Variants in GCM2 observed in about 807,000 individuals in gnomAD.
GCM2 encodes the protein GCM transcription factor 2.
GCM2 carries 21 observed loss-of-function variants against 24.8 expected under a neutral mutation model. The ratio of observed to expected loss-of-function variants is 0.85; its 90% confidence interval spans 0.60 to 1.22. GCM2 has a LOEUF of 1.22. GCM2 is among the 50% of genes most tolerant of loss of function. GCM2 has a pLI of 0.00. For synonymous variants in GCM2, 222 were observed against 238.0 expected (o/e 0.93, Z 0.62); for missense variants, 532 against 645.6 (o/e 0.82, Z 1.91).
chr6:10,877,605 A>C (rs1180074138), intron 1 of GCM2, among the ~76,000 whole-genome samples: 1 of 152,226 alleles, frequency 6.6e-6, no homozygotes, highest in Non-Finnish European at 1.5e-5. Flanking sequence ...AATGCTATAC[A>C]TGTATTAGTT....
In GCM2 at chr6:10,881,252, G is replaced by A. The variant is rs555989680; in HGVS notation, c.90+452C>T. Among the ~76,000 whole-genome samples the A allele has an allele frequency of 3.3e-5, 5 of 152,132 alleles. No homozygotes were observed. In the South Asian group the frequency reaches 1.0e-3, roughly 32 times the overall value. Reference sequence around the variant, plus strand: ...TGGCTCACCGCAACCTCTGCCTCTCGGGTTCAAGCGATTCTCCTGCCTCAG... The same window carrying A: ...TGGCTCACCGCAACCTCTGCCTCTCAGGTTCAAGCGATTCTCCTGCCTCAG... On this transcript the variant is annotated intron_variant, in intron 1 of 4. Transcript: ENST00000379491.
Position 10,876,063 on chromosome 6 carries a change from G to A in GCM2, c.457-47C>T, listed in dbSNP as rs751788265. ...TCATACATTTGTGCCTCTAAAGGAA[G>A]CTGACAATGTTGCCCAAAAATTGAT... On this transcript the variant is annotated intron_variant, in intron 3 of 4. Coordinates refer to ENST00000379491, the MANE Select transcript of GCM2 (RefSeq NM_004752.4). 4.4e-6 allele frequency: 7 copies of A among 1,608,932 alleles called. No individual in the cohort carries two copies. The African/African-American group carries it at 5.3e-5, about 12-fold the overall frequency.
chr6:10,877,077 A>AAAC lies in GCM2; in HGVS notation c.343+60_343+62dup, dbSNP rs931698636. The AAAC allele has an allele frequency of 3.8e-6, 6 of 1,590,776 alleles. No homozygotes were observed. The African/African-American group carries it at 5.4e-5, about 14-fold the overall frequency. ...GGCTCCATCTCAAACAAACAAACAA[A>AAAC]AACAACAACAACAAAAAACTCATGA... On this transcript the variant is annotated intron_variant, in intron 2 of 4. Coordinates refer to ENST00000379491, the MANE Select transcript of GCM2 (RefSeq NM_004752.4).
At chr6:10,876,412 A>C in intron 3 of GCM2, 33 bp downstream of exon 3, 1 of 1,313,772 alleles carries the variant, frequency 7.6e-7, no homozygotes, top group Non-Finnish European at 1.1e-6. Context: ...GATGAAAAGT[A>C]TCCATCACAA....
At chr6:10,881,553 T>G (rs1428873803) in intron 1 of GCM2, 151 bp downstream of exon 1, 13 of 394,328 alleles carry the variant, frequency 3.3e-5, no homozygotes, top group Middle Eastern at 6.9e-4. Flanking sequence ...ATTTTGCGGG[T>G]ATGTGTGTGT....
chr6:10,881,404 C>A lies in GCM2; in HGVS notation c.90+300G>T, dbSNP rs1581807656. Among the ~76,000 whole-genome samples, 5 of 152,126 alleles carry A rather than the reference C, an allele frequency of 3.3e-5. No individual in the cohort carries two copies. In the South Asian group the frequency reaches 1.0e-3, roughly 32 times the overall value. ...AACTCCCGACCTCAGATGATCCACC[C>A]GCCTCAGCCTCCCAAAGTGCTGGGA... is the stretch of plus-strand genomic sequence containing the variant. On this transcript the variant is annotated intron_variant, in intron 1 of 4. Coordinates refer to ENST00000379491, the MANE Select transcript of GCM2 (RefSeq NM_004752.4).
At chr6:10,876,335 T>C in intron 3 of GCM2, 110 bp downstream of exon 3, 1 of 785,198 alleles carries the variant, frequency 1.3e-6, no homozygotes. Context: ...TTCTGGCCAC[T>C]GGGGCTGTAT....
intron 1 of GCM2, 32 bp from the exon 2 acceptor site, chr6:10,877,424 C>A: frequency 6.2e-7 from 1 of 1,613,308 alleles, no homozygotes; most frequent in South Asian, 1.1e-5. Flanking sequence ...GGTGGTCAGT[C>A]TATCCAGTCC....
chr6:10,879,834 AAAATGC>A (rs1173016323), intron 1 of GCM2, among the ~76,000 whole-genome samples: 1 of 152,220 alleles, frequency 6.6e-6, no homozygotes, highest in Non-Finnish European at 1.5e-5. Context: ...TGACTTTTCT[AAAATGC>A]AAGATATGAT....
intron 2 of GCM2, 146 bp from the exon 3 acceptor site, chr6:10,876,703 G>A: frequency 1.5e-6 from 1 of 686,728 alleles, no homozygotes; most frequent in East Asian, 2.8e-5. Context: ...GCCGAGGCGG[G>A]TGGATCACTT....
intron 4 of GCM2, among the ~76,000 whole-genome samples, chr6:10,875,680 C>G (rs572318013): frequency 1.3e-4 from 20 of 152,240 alleles, no homozygotes; most frequent in Admixed American, 9.2e-4. Flanking sequence ...TGTATCATTG[C>G]CTGTAGAGAT....
intron 3 of GCM2, 69 bp from the exon 4 acceptor site, chr6:10,876,085 T>C (rs781765372): frequency 2.7e-5 from 40 of 1,492,620 alleles, no homozygotes; most frequent in Non-Finnish European, 3.7e-5. Flanking sequence ...GCCCAAAAAT[T>C]GATCATGCCT....
At chr6:10,878,531 A>C (rs142133959) in intron 1 of GCM2, among the ~76,000 whole-genome samples, 1 of 152,102 alleles carries the variant, frequency 6.6e-6, no homozygotes, top group East Asian at 1.9e-4. Flanking sequence ...GTTGGCCAGG[A>C]TGGTCTTGAT....
chr6:10,881,453 C>T (rs1779955959), intron 1 of GCM2, among the ~76,000 whole-genome samples: 1 of 151,964 alleles, frequency 6.6e-6, no homozygotes, highest in African/African-American at 2.4e-5. Context: ...CCACAGCGCC[C>T]GGCCAAGAAG....
In GCM2 at chr6:10,876,541, G is replaced by A; in HGVS notation, c.360C>T (p.Asn120=). The A allele has an allele frequency of 6.2e-7, 1 of 1,610,684 alleles. No individual in the cohort carries two copies. Among genetic ancestry groups the A allele is most frequent in the Non-Finnish European group, 8.5e-7 (1 of 1,176,862 alleles). ...RLKQQKKACP[N]CHSALELIPC... ...GAATCAACTCCAAAGCAGAATGACA[G>A]TTAGGGCATGCCTTCTCTGCAAAGC... The change falls in exon 3 of 5, where the codon AAC becomes AAT. Residue 120 remains asparagine, a synonymous_variant. Transcript: ENST00000379491.
chr6:10,873,879 C>G lies in GCM2; in HGVS notation c.*116G>C, dbSNP rs1317127720. On this transcript the variant is annotated 3_prime_UTR_variant, in exon 5 of 5. Coordinates refer to ENST00000379491, the MANE Select transcript of GCM2 (RefSeq NM_004752.4). ...AGTTACTCAGAATTTTTACTACTAT[C>G]TGTGTTTCTTTGCACACAAGGTGAA... is the stretch of plus-strand genomic sequence containing the variant. The G allele has an allele frequency of 8.8e-6, 7 of 795,656 alleles. No individual in the cohort carries two copies. 49.3% of individuals were successfully genotyped at this position (795,656 alleles called of 1,614,324 possible).
intron 4 of GCM2, 104 bp from the exon 5 acceptor site, chr6:10,875,037 G>A: frequency 1.2e-6 from 1 of 849,758 alleles, no homozygotes; most frequent in South Asian, 1.4e-5. Flanking sequence ...TCCATGTGCT[G>A]GGCTCTGTGT....
In GCM2 at chr6:10,875,368, CA is replaced by C. The variant is rs551364064; in HGVS notation, c.583-436del. Among the ~76,000 whole-genome samples, 4 of 152,312 alleles carry C rather than the reference CA, an allele frequency of 2.6e-5. No individual in the cohort carries two copies. The South Asian group carries it at 8.3e-4, about 32-fold the overall frequency. ...CAGTAACCTCATTATAAGGTTTCTGCAACCATTAAATGTGTGAAACTCTTAG... is the reference window on the plus strand; with the variant it reads ...CAGTAACCTCATTATAAGGTTTCTGCACCATTAAATGTGTGAAACTCTTAG... On this transcript the variant is annotated intron_variant, in intron 4 of 4. Coordinates refer to ENST00000379491, the MANE Select transcript of GCM2 (RefSeq NM_004752.4).
chr6:10,877,141 C>T lies in GCM2; in HGVS notation c.342G>A (p.Gln114=). Residue 114 remains glutamine (Q), a splice_region_variant and synonymous_variant, in exon 2 of 5, where the codon CAG becomes CAA. Transcript: ENST00000379491. ...CTCTCCCTGGCCCCATGTCCTCACT[C>T]TGCTGTTTCAGCCGTGCCTTGTCGC... is the stretch of plus-strand genomic sequence containing the variant. The part of the protein sequence containing the change: ...AICDKARLKQ[Q]KKACPNCHSA... 6.2e-7 allele frequency: 1 copy of T among 1,611,626 alleles called. No individual in the cohort carries two copies. The highest frequency in any genetic ancestry group is 8.5e-7 in the Non-Finnish European group (1 of 1,179,988).
Sources: allele counts gnomAD v4.1 joint callset (sites outside exome capture counted in the v4.1 genomes callset), GRCh38; gene constraint gnomAD v4.1.1; transcripts MANE v1.5; gene names NCBI Gene and HGNC (gene_info 2026-07-23, HGNC 2026-07-21).